The following MARCHF1 variants were observed in gnomAD, a reference collection of about 807,000 sequenced individuals.
MARCHF1 encodes the protein E3 ubiquitin-protein ligase MARCHF1.
Under a neutral mutation model 54.2 loss-of-function variants are expected in MARCHF1, and 40 were observed. That is an observed-to-expected ratio of 0.74 (90% CI 0.57 to 0.96). The LOEUF is 0.96. MARCHF1 is among the 40% of genes least tolerant of loss of function. MARCHF1 has a pLI of 0.00. For missense variants in MARCHF1, 586 were observed against 656.5 expected (o/e 0.89, Z 1.17); for synonymous variants, 236 against 236.3 (o/e 1.00, Z 0.01).
intron 1 of MARCHF1, among the ~76,000 whole-genome samples, chr4:164,246,860 C>A (rs556942766): frequency 7.7e-6 from 1 of 129,878 alleles, no homozygotes; most frequent in Non-Finnish European, 1.6e-5. Flanking sequence ...TGAAAAAATG[C>A]TCATCATCCT....
chr4:163,629,395 C>A (rs187800173), intron 5 of MARCHF1, among the ~76,000 whole-genome samples: 163 of 152,206 alleles, frequency 1.1e-3, no homozygotes, highest in African/African-American at 3.7e-3. Context: ...ACACCTTATA[C>A]AAAAATTAAC....
chr4:164,241,187 G>A (rs1341313276), intron 1 of MARCHF1, among the ~76,000 whole-genome samples: 1 of 152,066 alleles, frequency 6.6e-6, no homozygotes, highest in Non-Finnish European at 1.5e-5. Context: ...AGCCTTCGAA[G>A]ACCATTTGGA....
chr4:163,740,058 A>T (rs961398129), intron 4 of MARCHF1, among the ~76,000 whole-genome samples: 2 of 152,212 alleles, frequency 1.3e-5, no homozygotes, highest in South Asian at 2.1e-4. Context: ...GGCACACTGC[A>T]TGATTGAACT....
intron 4 of MARCHF1, among the ~76,000 whole-genome samples, chr4:163,850,773 G>A (rs1749619132): frequency 6.6e-6 from 1 of 152,194 alleles, no homozygotes; most frequent in Non-Finnish European, 1.5e-5. Context: ...ATACTCAAAA[G>A]AGATTGGAAA....
At chr4:163,733,251 A>ATATATATATACACGTG (rs1745929148) in intron 4 of MARCHF1, among the ~76,000 whole-genome samples, 3 of 76,942 alleles carry the variant, frequency 3.9e-5, no homozygotes, top group African/African-American at 1.3e-4. Context: ...ACACGTGTAT[A>ATATATATATACACGTG]TATATATACA....
intron 1 of MARCHF1, among the ~76,000 whole-genome samples, chr4:164,295,768 A>G (rs1734394805): frequency 6.6e-6 from 1 of 152,202 alleles, no homozygotes; most frequent in East Asian, 1.9e-4. Context: ...AGAGAAAAAG[A>G]ATAAAAGTAA....
chr4:164,303,851 CATTTT>C (rs1734628038), intron 1 of MARCHF1, among the ~76,000 whole-genome samples: 2 of 152,090 alleles, frequency 1.3e-5, no homozygotes, highest in Non-Finnish European at 1.5e-5. Flanking sequence ...AATAAAGAGA[CATTTT>C]ATTTTCTTAT....
At chr4:163,744,220 C>T (rs189521253) in intron 4 of MARCHF1, among the ~76,000 whole-genome samples, 32 of 152,256 alleles carry the variant, frequency 2.1e-4, no homozygotes, top group African/African-American at 6.7e-4. Context: ...TGAATTTTCA[C>T]GGCATTTTAT....
At position 163,769,365 on chromosome 4, in the gene MARCHF1, T is replaced by A. The variant is rs1747084540; in HGVS notation, c.112-68502A>T. Among the ~76,000 whole-genome samples, 3 of 152,188 alleles carry A rather than the reference T, an allele frequency of 2.0e-5. No individual in the cohort carries two copies. The South Asian group carries it at 6.2e-4, about 32-fold the overall frequency. ...ATCTCTTAGATTAGAAGAAGTAGTA[T>A]AATAGATACTATAAAATTGAATGTT... On this transcript the variant is annotated intron_variant, in intron 4 of 9. Coordinates refer to ENST00000514618, the MANE Select transcript of MARCHF1 (RefSeq NM_001394959.1).
At chr4:163,698,764 T>C (rs1213312418) in intron 5 of MARCHF1, among the ~76,000 whole-genome samples, 1 of 152,176 alleles carries the variant, frequency 6.6e-6, no homozygotes, top group Non-Finnish European at 1.5e-5. Context: ...CACCCCTAGA[T>C]CATGAAACAG....
intron 4 of MARCHF1, among the ~76,000 whole-genome samples, chr4:163,805,878 C>G (rs1022639300): frequency 2.6e-5 from 4 of 152,304 alleles, no homozygotes; most frequent in Admixed American, 2.0e-4. Flanking sequence ...CCAAAATACT[C>G]TACCCCAATT....
At chr4:163,916,130 G>A (rs966304232) in intron 3 of MARCHF1, among the ~76,000 whole-genome samples, 3 of 152,140 alleles carry the variant, frequency 2.0e-5, no homozygotes, top group African/African-American at 7.2e-5. Flanking sequence ...CAGTGATGAG[G>A]CAGGTTGATC....
At chr4:163,906,706 GA>G (rs773430362) in intron 3 of MARCHF1, among the ~76,000 whole-genome samples, 7 of 150,902 alleles carry the variant, frequency 4.6e-5, no homozygotes, top group African/African-American at 7.3e-5. Flanking sequence ...AAAGTCCTAT[GA>G]AAGTCTTAGA....
At position 163,789,746 on chromosome 4, in the gene MARCHF1, G is replaced by A. The variant is rs1747721944; in HGVS notation, c.111+64275C>T. On this transcript the variant is annotated intron_variant, in intron 4 of 9. Coordinates refer to ENST00000514618, the MANE Select transcript of MARCHF1 (RefSeq NM_001394959.1). ...ATCACTCACCATTGTTTAATATGTGGGAAAATATAGTACTTGGACTTCTTT... is the reference window on the plus strand; with the variant it reads ...ATCACTCACCATTGTTTAATATGTGAGAAAATATAGTACTTGGACTTCTTT... Among the ~76,000 whole-genome samples, 4 of 151,904 alleles carry A rather than the reference G, an allele frequency of 2.6e-5. No homozygotes were observed. The South Asian group carries it at 8.3e-4, about 32-fold the overall frequency.
chr4:163,721,380 C>G (rs1308698966), intron 4 of MARCHF1, among the ~76,000 whole-genome samples: 4 of 151,404 alleles, frequency 2.6e-5, no homozygotes, highest in Non-Finnish European at 5.9e-5. Flanking sequence ...GGATGAAGCC[C>G]ACTTGATCAT....
intron 4 of MARCHF1, among the ~76,000 whole-genome samples, chr4:163,768,749 A>G (rs1254309998): frequency 6.6e-6 from 1 of 152,178 alleles, no homozygotes; most frequent in Non-Finnish European, 1.5e-5. Flanking sequence ...CTGAAAACTA[A>G]TCTCTCTGGA....
At chr4:163,703,897 AATG>A (rs1337529203) in intron 4 of MARCHF1, among the ~76,000 whole-genome samples, 5 of 126,092 alleles carry the variant, frequency 4.0e-5, no homozygotes, top group African/African-American at 1.0e-4. Context: ...AGCAAGGAAA[AATG>A]ATTACCAAAT....
intron 4 of MARCHF1, among the ~76,000 whole-genome samples, chr4:163,720,521 G>C (rs1403729015): frequency 6.6e-6 from 1 of 152,022 alleles, no homozygotes; most frequent in Non-Finnish European, 1.5e-5. Flanking sequence ...GCTCTTTTTT[G>C]GTTCCATATG....
intron 1 of MARCHF1, among the ~76,000 whole-genome samples, chr4:164,133,038 C>A (rs1315212508): frequency 6.6e-6 from 1 of 152,136 alleles, no homozygotes; most frequent in African/African-American, 2.4e-5. Context: ...GTATCCCAGA[C>A]ACAATTTGTA....
Sources: allele counts gnomAD v4.1 joint callset (sites outside exome capture counted in the v4.1 genomes callset), GRCh38; gene constraint gnomAD v4.1.1; transcripts MANE v1.5; gene names NCBI Gene and HGNC (gene_info 2026-07-23, HGNC 2026-07-21).